The following PHLPP1 variants were observed in gnomAD, a reference collection of about 807,000 sequenced individuals.
The protein encoded by PHLPP1 is PH domain leucine-rich repeat-containing protein phosphatase 1.
Under a neutral mutation model 117.2 loss-of-function variants are expected in PHLPP1, and 42 were observed. The observed-to-expected ratio is 0.36, with a 90% CI of 0.28 to 0.46. The LOEUF is 0.46. Among genes scored for constraint, PHLPP1 ranks in the 20% least tolerant of loss-of-function variants. The probability of loss-of-function intolerance (pLI) is 1.00; values close to 1 mark genes in which losing one functional copy is unlikely to be tolerated. For missense variants in PHLPP1, 2,084 were observed against 2,241.9 expected, an observed-to-expected ratio of 0.93 and a Z score of 1.42; for synonymous variants, 1,042 against 970.7, an observed-to-expected ratio of 1.07 and a Z score of -1.37.
chr18:62,868,305 A>G (rs1233426166), intron 4 of PHLPP1, among the ~76,000 whole-genome samples: 7 of 152,260 alleles, frequency 4.6e-5, no homozygotes, highest in Middle Eastern at 3.4e-3. Flanking sequence ...GCCAGTTTCT[A>G]TAGCATTGCA....
At chr18:62,853,095 T>G (rs570521558) in intron 3 of PHLPP1, among the ~76,000 whole-genome samples, 13 of 152,282 alleles carry the variant, frequency 8.5e-5, no homozygotes, top group African/African-American at 3.1e-4. Context: ...TGGCCACCCA[T>G]TGAGTCATCT....
At chr18:62,743,196 G>T (rs1412226188) in intron 1 of PHLPP1, among the ~76,000 whole-genome samples, 1 of 151,352 alleles carries the variant, frequency 6.6e-6, no homozygotes, top group African/African-American at 2.4e-5. Context: ...ATTATTTTCT[G>T]TTCTTTTTCC....
intron 12 of PHLPP1, among the ~76,000 whole-genome samples, chr18:62,950,661 A>C (rs484571): frequency 0.36 from 54,402 of 152,032 alleles, 10,542 homozygotes; most frequent in East Asian, 0.63. Context: ...CGTAGTTGAC[A>C]TAATAGACGT....
intron 4 of PHLPP1, among the ~76,000 whole-genome samples, chr18:62,864,558 A>T (rs539262954): frequency 6.6e-6 from 1 of 152,256 alleles, no homozygotes; most frequent in Admixed American, 6.5e-5. Flanking sequence ...TGTTCAATTT[A>T]AGAAAACATT....
At chr18:62,848,440 G>A (rs1156568732) in intron 3 of PHLPP1, among the ~76,000 whole-genome samples, 2 of 147,210 alleles carry the variant, frequency 1.4e-5, no homozygotes, top group African/African-American at 5.0e-5. Flanking sequence ...ATTCTATGAG[G>A]TTGGTTTTTT....
At position 62,919,950 on chromosome 18, in the gene PHLPP1, T is replaced by A; in HGVS notation, c.2805-9T>A. ...TTCATTTTTTGGTCTTTTGTCCCTTTTTATACAGCTTATTTTGTAATAGCA... is the reference window on the plus strand; with the variant it reads ...TTCATTTTTTGGTCTTTTGTCCCTTATTATACAGCTTATTTTGTAATAGCA... On this transcript the variant is annotated splice_polypyrimidine_tract_variant and intron_variant, in intron 9 of 16. Coordinates refer to ENST00000262719, the MANE Select transcript of PHLPP1 (RefSeq NM_194449.4). 1 of 1,574,566 alleles carries A rather than the reference T, an allele frequency of 6.4e-7. No individual in the cohort carries two copies. The highest frequency in any genetic ancestry group is 8.6e-7 in the Non-Finnish European group (1 of 1,158,422).
chr18:62,978,173 C>G lies in PHLPP1; in HGVS notation c.3985-89C>G. 1 of 707,398 alleles carries G rather than the reference C, an allele frequency of 1.4e-6. No homozygotes were observed. The highest frequency in any genetic ancestry group is 2.4e-6 in the Non-Finnish European group (1 of 412,162). 43.8% of individuals were successfully genotyped at this position (707,398 alleles called of 1,614,324 possible). ...CAGCACTTCTCTGTGGTCCTACAGT[C>G]GAGACAGTCGAGGGACCCGCAGGGA... On this transcript the variant is annotated intron_variant, in intron 16 of 16. Coordinates refer to ENST00000262719, the MANE Select transcript of PHLPP1 (RefSeq NM_194449.4). The surrounding 1 kb of genome is among the most constrained non-coding windows in gnomAD (Gnocchi z 7.0).
At chr18:62,781,464 G>A (rs1677248612) in intron 1 of PHLPP1, among the ~76,000 whole-genome samples, 2 of 152,128 alleles carry the variant, frequency 1.3e-5, no homozygotes, top group South Asian at 2.1e-4. Context: ...CTATCACTGG[G>A]CTCTCAGTTT....
rs1351587011 is a variant in PHLPP1 at position 62,979,437 on chromosome 18, C to G, written c.*6C>G. On this transcript the variant is annotated 3_prime_UTR_variant, in exon 17 of 17. Transcript: ENST00000262719. ...ATTACGACACGCCACTATGACCCAGCCGAGCTGTTTAACAAATAAACTAAC... is the reference window on the plus strand; with the variant it reads ...ATTACGACACGCCACTATGACCCAGGCGAGCTGTTTAACAAATAAACTAAC... The G allele has an allele frequency of 6.5e-7, 1 of 1,549,474 alleles. No homozygotes were observed.
chr18:62,770,515 A>G (rs1194285116), intron 1 of PHLPP1, among the ~76,000 whole-genome samples: 1 of 152,202 alleles, frequency 6.6e-6, no homozygotes, highest in East Asian at 1.9e-4. Flanking sequence ...ATTGTAGAAT[A>G]TTGCACCATG....
intron 1 of PHLPP1, among the ~76,000 whole-genome samples, chr18:62,721,830 A>G (rs1364233282): frequency 6.6e-6 from 1 of 152,200 alleles, no homozygotes; most frequent in African/African-American, 2.4e-5. Context: ...TACAAAGATA[A>G]GTTATTTTTT....
At chr18:62,940,366 T>C (rs1234462475) in intron 10 of PHLPP1, among the ~76,000 whole-genome samples, 2 of 123,028 alleles carry the variant, frequency 1.6e-5, no homozygotes, top group Admixed American at 8.0e-5. Flanking sequence ...TTTTTTTTTT[T>C]TTTTTTTTTT....
chr18:62,972,609 A>G lies in PHLPP1; in HGVS notation c.3656A>G (p.Tyr1219Cys), dbSNP rs754726574. 2.5e-6 allele frequency: 4 copies of G among 1,613,750 alleles called. No individual in the cohort carries two copies. The highest frequency in any genetic ancestry group is 3.4e-6 in the Non-Finnish European group (4 of 1,179,772). ...GGAGACCGGAATGTGGAGGTGCCCT[A>G]CCTTCTCCAGTGCACTATGAGTGAC... ...FDGDRNVEVPYLLQCTMSDIL... is the reference protein window; with the variant it reads ...FDGDRNVEVPCLLQCTMSDIL... Residue 1219 changes from tyrosine (Y) to cysteine (C), a missense_variant, in exon 15 of 17, where the codon TAC becomes TGC. Physicochemically the swap from Tyr to Cys is radical, Grantham distance 194. Coordinates refer to ENST00000262719, the MANE Select transcript of PHLPP1 (RefSeq NM_194449.4).
intron 9 of PHLPP1, among the ~76,000 whole-genome samples, chr18:62,916,320 G>T (rs1275363417): frequency 6.6e-6 from 1 of 151,286 alleles, no homozygotes; most frequent in Non-Finnish European, 1.5e-5. Flanking sequence ...AATACTCTGA[G>T]AATTCATTTA....
At chr18:62,733,990 G>T (rs963366061) in intron 1 of PHLPP1, among the ~76,000 whole-genome samples, 4 of 152,142 alleles carry the variant, frequency 2.6e-5, no homozygotes, top group Non-Finnish European at 5.9e-5. Context: ...AGTTTGTGAG[G>T]ATCTAAATTC....
At chr18:62,796,983 T>C (rs74536825) in intron 1 of PHLPP1, among the ~76,000 whole-genome samples, 5,389 of 152,298 alleles carry the variant, frequency 0.035, 135 homozygotes, top group Non-Finnish European at 0.054. Flanking sequence ...TTTCTTAGAA[T>C]TCTGTAGATA....
intron 4 of PHLPP1, among the ~76,000 whole-genome samples, chr18:62,887,948 C>T (rs1599103249): frequency 6.6e-6 from 1 of 152,016 alleles, no homozygotes; most frequent in Non-Finnish European, 1.5e-5. Flanking sequence ...CTGTGTTGCC[C>T]AGGCTAGTCT....
intron 10 of PHLPP1, among the ~76,000 whole-genome samples, chr18:62,933,919 G>C (rs988811221): frequency 8.6e-5 from 13 of 151,928 alleles, no homozygotes; most frequent in African/African-American, 3.1e-4. Context: ...GTGAGCAAAG[G>C]ACATGAATAG....
chr18:62,827,797 T>G (rs777895547), intron 1 of PHLPP1, among the ~76,000 whole-genome samples: 3 of 152,250 alleles, frequency 2.0e-5, no homozygotes, highest in Admixed American at 6.5e-5. Flanking sequence ...AGATCCCTTC[T>G]GGCCTTTGTC....
Sources: gnomAD v4.1 joint callset for allele counts (sites outside exome capture counted in the v4.1 genomes callset) on GRCh38, gnomAD v4.1.1 for gene constraint, Gnocchi (gnomAD v3.1) non-coding constraint, MANE v1.5 for transcripts, NCBI Gene and HGNC (gene_info 2026-07-23, HGNC 2026-07-21) for gene names.